Variants in CHLSN observed in about 807,000 individuals in gnomAD.
The protein encoded by CHLSN is cholesin.
chr7:1,116,691 A>G, the CHLSN span, among the ~76,000 whole-genome samples: 14 of 36,974 alleles, frequency 3.8e-4, no homozygotes, highest in South Asian at 9.7e-4. Flanking sequence ...TGACATCACT[A>G]CAGCTCTACG....
the CHLSN span, among the ~76,000 whole-genome samples, chr7:990,989 A>T: frequency 8.4e-4 from 127 of 151,710 alleles, 1 homozygote; most frequent in African/African-American, 2.9e-3. Context: ...TGTGCCCCCA[A>T]CTTAGTCGGC....
chr7:1,095,239 C>T, the CHLSN span, among the ~76,000 whole-genome samples: 644 of 152,220 alleles, frequency 4.2e-3, 4 homozygotes, highest in Middle Eastern at 0.024. Flanking sequence ...GATGTACTCG[C>T]TCAATGCCCA....
chr7:999,247 C>A, the CHLSN span, among the ~76,000 whole-genome samples: 1 of 152,112 alleles, frequency 6.6e-6, no homozygotes, highest in African/African-American at 2.4e-5. Flanking sequence ...ACGTGGAAAC[C>A]CAGTTGTCCC....
the CHLSN span, among the ~76,000 whole-genome samples, chr7:1,035,053 T>C: frequency 6.6e-6 from 1 of 152,252 alleles, no homozygotes; most frequent in Non-Finnish European, 1.5e-5. Context: ...ATTGGTGGCA[T>C]TTCAGCTGGT....
the CHLSN span, among the ~76,000 whole-genome samples, chr7:1,014,018 A>G: frequency 6.6e-6 from 1 of 152,196 alleles, no homozygotes; most frequent in Non-Finnish European, 1.5e-5. Context: ...GGAGGCGGCC[A>G]GCGGGCCTGT....
At chr7:1,066,297 C>T in the CHLSN span, among the ~76,000 whole-genome samples, 1 of 152,238 alleles carries the variant, frequency 6.6e-6, no homozygotes, top group Non-Finnish European at 1.5e-5. Flanking sequence ...GTCTGCGCAT[C>T]CGGCGGGGCT....
At chr7:1,028,796 C>T in the CHLSN span, 7 of 881,630 alleles carry the variant, frequency 7.9e-6, no homozygotes, top group South Asian at 2.7e-4. Flanking sequence ...GTCCCTATCG[C>T]TCCCCCAATC....
At chr7:1,064,691 C>G in the CHLSN span, among the ~76,000 whole-genome samples, 1 of 152,206 alleles carries the variant, frequency 6.6e-6, no homozygotes, top group Non-Finnish European at 1.5e-5. Context: ...GGGACTCCTC[C>G]CTCGGCCGAG....
chr7:1,136,563 CATAT>C, the CHLSN span, among the ~76,000 whole-genome samples: 1,814 of 75,048 alleles, frequency 0.024, 26 homozygotes, highest in Middle Eastern at 0.071. Context: ...CATATATAAA[CATAT>C]AAACATAAAC....
chr7:983,136 C>G, the CHLSN span: 20 of 1,274,350 alleles, frequency 1.6e-5, no homozygotes, highest in East Asian at 6.0e-4. Context: ...GCGGGCACGC[C>G]CTCCCGCGGA....
the CHLSN span, chr7:1,086,743 G>C: frequency 1.9e-5 from 3 of 154,384 alleles, no homozygotes; most frequent in African/African-American, 7.2e-5. Context: ...CAGCTCTCCT[G>C]GGGGGGAGGG....
At chr7:1,028,263 A>G in the CHLSN span, 3 of 1,093,800 alleles carry the variant, frequency 2.7e-6, no homozygotes, top group South Asian at 6.2e-5. Flanking sequence ...CTGACCTCTG[A>G]CCCGGCTGTC....
the CHLSN span, among the ~76,000 whole-genome samples, chr7:1,060,079 T>C: frequency 6.6e-6 from 1 of 151,760 alleles, no homozygotes; most frequent in African/African-American, 2.4e-5. Flanking sequence ...TCAGGGGCAA[T>C]TGTTCCTCGT....
chr7:1,044,908 A>C, the CHLSN span, among the ~76,000 whole-genome samples: 9 of 152,246 alleles, frequency 5.9e-5, no homozygotes, highest in Non-Finnish European at 1.3e-4. Flanking sequence ...TGGCAGCTGA[A>C]TCTGCTGCTG....
the CHLSN span, among the ~76,000 whole-genome samples, chr7:1,007,569 C>T: frequency 3.7e-4 from 56 of 152,318 alleles, no homozygotes; most frequent in African/African-American, 1.3e-3. Flanking sequence ...CCCTTGGAGA[C>T]CCCCAGGAAA....
chr7:1,019,205 A>AC, the CHLSN span, among the ~76,000 whole-genome samples: 1 of 86,228 alleles, frequency 1.2e-5, no homozygotes, highest in Non-Finnish European at 2.4e-5. Flanking sequence ...AAAAAAAAAA[A>AC]AAAAAACGGG....
the CHLSN span, among the ~76,000 whole-genome samples, chr7:1,066,280 C>T: frequency 6.6e-6 from 1 of 152,230 alleles, no homozygotes; most frequent in Admixed American, 6.5e-5. Context: ...ACGGTGCGGC[C>T]GTAGGTGTCT....
the CHLSN span, among the ~76,000 whole-genome samples, chr7:1,122,074 C>G: frequency 3.2e-4 from 49 of 152,336 alleles, no homozygotes; most frequent in African/African-American, 9.9e-4. Flanking sequence ...GGAAGGGATC[C>G]TGGTCTCTGC....
the CHLSN span, among the ~76,000 whole-genome samples, chr7:1,078,845 T>C: frequency 5.9e-5 from 9 of 152,244 alleles, no homozygotes; most frequent in African/African-American, 2.2e-4. Context: ...GGCTCACCTG[T>C]TTGGCTCTGG....
Sources: allele counts gnomAD v4.1 joint callset (sites outside exome capture counted in the v4.1 genomes callset), GRCh38; gene constraint gnomAD v4.1.1; transcripts MANE v1.5; gene names NCBI Gene and HGNC (gene_info 2026-07-23, HGNC 2026-07-21).